Variants in FBXW8 observed in about 807,000 individuals in gnomAD.
The protein encoded by FBXW8 is F-box and WD repeat domain containing 8, also known as F-box/WD repeat-containing protein 8.
Under a neutral mutation model 65.3 loss-of-function variants are expected in FBXW8, and 57 were observed. The ratio of observed to expected loss-of-function variants is 0.87; its 90% CI spans 0.71 to 1.09. The LOEUF is 1.09. FBXW8 is among the 50% of genes least tolerant of loss of function. FBXW8 has a pLI of 0.00. For missense variants in FBXW8, 777 were observed against 814.8 expected (o/e 0.95, Z 0.57); for synonymous variants, 308 against 330.2 (o/e 0.93, Z 0.73).
intron 8 of FBXW8, among the ~76,000 whole-genome samples, chr12:117,012,443 A>G (rs756509612): frequency 3.2e-4 from 49 of 152,278 alleles, no homozygotes; most frequent in Non-Finnish European, 5.7e-4. Flanking sequence ...GCCAGCCATC[A>G]TATGTAAGAA....
intron 2 of FBXW8, among the ~76,000 whole-genome samples, chr12:116,937,038 T>C (rs953349015): frequency 6.3e-4 from 96 of 152,104 alleles, no homozygotes; most frequent in African/African-American, 2.1e-3. Context: ...GATGTGGTGC[T>C]TGGGCCAGGA....
chr12:116,960,630 C>G (rs1447835187), intron 4 of FBXW8, among the ~76,000 whole-genome samples: 2 of 152,158 alleles, frequency 1.3e-5, no homozygotes, highest in Non-Finnish European at 2.9e-5. Flanking sequence ...GGGTGTTTCA[C>G]TCATCATTAC....
At position 116,985,367 on chromosome 12, in the gene FBXW8, T is replaced by G. The variant is rs746248900; in HGVS notation, c.997T>G (p.Trp333Gly). The G allele has an allele frequency of 1.2e-6, 2 of 1,613,056 alleles. No homozygotes were observed. Among genetic ancestry groups the G allele is most frequent in the Non-Finnish European group, 1.7e-6 (2 of 1,179,776 alleles). Residue 333 changes from tryptophan to glycine, a missense_variant, in exon 6 of 11, where the codon TGG (tryptophan) becomes GGG (glycine). Coordinates refer to ENST00000652555, the MANE Select transcript of FBXW8 (RefSeq NM_153348.3). ...VMLSPNEEGY[W>G]QIAAEFEVPK... The stretch of plus-strand genomic sequence containing the variant: ...GTTATCCCCCAATGAGGAGGGGTAC[T>G]GGCAGATAGCTGCGGAATTTGAAGT...
In FBXW8 at chr12:117,029,450, ACC is replaced by A. The variant is rs1416127082; in HGVS notation, c.*1280_*1281del. 2.0e-5 allele frequency: 3 copies of A among 151,804 alleles called. No individual in the cohort carries two copies. Among genetic ancestry groups the A allele is most frequent in the South Asian group, 2.1e-4 (1 of 4,798 alleles). The allele number at this position is 151,804 out of a possible 1,614,324, so 9.4% of individuals were successfully genotyped here. On this transcript the variant is annotated 3_prime_UTR_variant, in exon 11 of 11. Transcript: ENST00000652555. ...TGACAGTAAAAGCACAGAATACAAA[ACC>A]CAGGGGATGGGGCTGGGAGGGGCTG...
At chr12:116,945,012 A>G (rs1329347562) in intron 2 of FBXW8, among the ~76,000 whole-genome samples, 1 of 152,216 alleles carries the variant, frequency 6.6e-6, no homozygotes, top group Non-Finnish European at 1.5e-5. Flanking sequence ...AAAAGTAAAG[A>G]GATTCCATTC....
intron 4 of FBXW8, among the ~76,000 whole-genome samples, chr12:116,957,277 G>C (rs1883709776): frequency 2.0e-5 from 3 of 152,158 alleles, no homozygotes; most frequent in Admixed American, 2.0e-4. Flanking sequence ...AACCCGGGAG[G>C]TAGAGGTTGC....
chr12:116,963,827 G>A (rs532866842), intron 4 of FBXW8, among the ~76,000 whole-genome samples: 1 of 152,290 alleles, frequency 6.6e-6, no homozygotes, highest in Admixed American at 6.5e-5. Flanking sequence ...GTTCTATCAT[G>A]AGGCCCTTAA....
chr12:116,958,986 C>T (rs1226282021), intron 4 of FBXW8, among the ~76,000 whole-genome samples: 2 of 152,186 alleles, frequency 1.3e-5, no homozygotes, highest in Non-Finnish European at 1.5e-5. Context: ...TAACAGGGCC[C>T]CTCTTGGCTG....
rs567220931 is a variant in FBXW8, at chr12:117,000,027, G to A, written c.1240-10296G>A. On this transcript the variant is annotated intron_variant, in intron 7 of 10. Transcript: ENST00000652555. Reference sequence around the variant, plus strand: ...GAGACGGAGTCTCGCTGTCTCCCAGGCTGGAGCGCAGTGGCGCGATCTCTG... The same window carrying A: ...GAGACGGAGTCTCGCTGTCTCCCAGACTGGAGCGCAGTGGCGCGATCTCTG... 2.7e-5 allele frequency among the ~76,000 whole-genome samples: 4 copies of A among 148,982 alleles called. No individual in the cohort carries two copies. The East Asian group carries it at 8.0e-4, about 30-fold the overall frequency.
In FBXW8 at chr12:116,932,637, G is replaced by A. The variant is rs58573414; in HGVS notation, c.423+4510G>A. Among the ~76,000 whole-genome samples, 823 of 152,306 alleles carry A rather than the reference G, an allele frequency of 5.4e-3. 11 individuals carry two copies. The highest frequency in any genetic ancestry group is 0.019 in the African/African-American group (794 of 41,568). Reference sequence around the variant, plus strand: ...TGCAACCTCTGCCTCCCAGGTTCAAGCTATTCTCCTGCCTCAGCCTCCCAA... The same window carrying A: ...TGCAACCTCTGCCTCCCAGGTTCAAACTATTCTCCTGCCTCAGCCTCCCAA... On this transcript the variant is annotated intron_variant, in intron 2 of 10. Coordinates refer to ENST00000652555, the MANE Select transcript of FBXW8 (RefSeq NM_153348.3).
intron 7 of FBXW8, among the ~76,000 whole-genome samples, chr12:116,990,610 A>G (rs964905352): frequency 2.0e-5 from 3 of 151,420 alleles, no homozygotes; most frequent in Non-Finnish European, 2.9e-5. Context: ...TAAATTTTTC[A>G]TACTTTTTAT....
chr12:116,928,116 A>T lies in FBXW8; in HGVS notation c.412A>T (p.Arg138Ter). The T allele has an allele frequency of 1.2e-6, 2 of 1,604,304 alleles. No homozygotes were observed. The highest frequency in any genetic ancestry group is 4.5e-5 in the East Asian group (2 of 44,830). The change falls in exon 2 of 11, where the codon AGA becomes TGA. Residue 138 changes from arginine (R) to a stop codon, truncating the protein, a stop_gained. Coordinates refer to ENST00000652555, the MANE Select transcript of FBXW8 (RefSeq NM_153348.3). LOFTEE classifies it high-confidence loss of function. Reference sequence around the variant, plus strand: ...GTATCTGGACAGGAAAGAACTAGGAAGATGTGCACAGGTAAGGTGTCACCA... The same window carrying T: ...GTATCTGGACAGGAAAGAACTAGGATGATGTGCACAGGTAAGGTGTCACCA... ...FQYLDRKELG[R>*]CAQVSKTWKV...
rs371138207 is a variant in FBXW8, at chr12:117,010,390, CGT to C, written c.1312_1313del (p.Val438GlnfsTer28). ...CTGGGTAACGTTCTCCGTGACTTCA[CGT>C]GTGTCAACCTCAGCGACAGCCCTCC... On this transcript the variant is annotated frameshift_variant, in exon 8 of 11. Coordinates refer to ENST00000652555, the MANE Select transcript of FBXW8 (RefSeq NM_153348.3). LOFTEE classifies it high-confidence loss of function. The C allele has an allele frequency of 4.1e-3, 6,688 of 1,614,244 alleles. 22 individuals are homozygous for C. Among genetic ancestry groups the C allele is most frequent in the Non-Finnish European group, 5.1e-3 (6,023 of 1,180,052 alleles).
At chr12:116,962,004 G>T (rs938569605) in intron 4 of FBXW8, among the ~76,000 whole-genome samples, 1 of 152,144 alleles carries the variant, frequency 6.6e-6, no homozygotes, top group Non-Finnish European at 1.5e-5. Flanking sequence ...CTTGGCACCT[G>T]AGCATCTATA....
chr12:116,928,079 C>A lies in FBXW8; in HGVS notation c.375C>A (p.Ile125=). The A allele has an allele frequency of 6.2e-7, 1 of 1,611,994 alleles. No homozygotes were observed. The highest frequency in any genetic ancestry group is 8.5e-7 in the Non-Finnish European group (1 of 1,179,204). The part of the protein sequence containing the change: ...FDIQLPYELA[I]NIFQYLDRKE... ...TCCAACTGCCTTACGAATTGGCAAT[C>A]AATATATTTCAGTATCTGGACAGGA... Residue 125 remains isoleucine (I), a synonymous_variant, in exon 2 of 11, where the codon ATC becomes ATA. Coordinates refer to ENST00000652555, the MANE Select transcript of FBXW8 (RefSeq NM_153348.3).
At position 117,010,450 on chromosome 12, in the gene FBXW8, G is replaced by A. The variant is rs765789388; in HGVS notation, c.1367G>A (p.Arg456Lys). The A allele has an allele frequency of 4.3e-6, 7 of 1,614,132 alleles. No individual in the cohort carries two copies. Among genetic ancestry groups the A allele is most frequent in the African/African-American group, 1.3e-5 (1 of 74,950 alleles). Residue 456 changes from arginine to lysine, a missense_variant and splice_region_variant, in exon 8 of 11, where the codon AGG becomes AAG. By Grantham distance (26) the Arg-to-Lys change is conservative. Transcript: ENST00000652555. ...NLMVSGNMDG[R>K]VRIHDLRSGN... ...ATGGTCAGTGGCAACATGGACGGGA[G>A]GTACGTGAGTTGGAAGGGCATTGCC...
chr12:116,953,500 G>A (rs534439534), intron 4 of FBXW8, among the ~76,000 whole-genome samples: 22 of 152,300 alleles, frequency 1.4e-4, no homozygotes, highest in African/African-American at 5.1e-4. Context: ...GGCTGGGCGC[G>A]GTGGCTCACG....
At position 116,936,690 on chromosome 12, in the gene FBXW8, C is replaced by T. The variant is rs75046864; in HGVS notation, c.423+8563C>T. ...ACCTTGCTTTTACACTTCTGGTCTC[C>T]GGAACTATAAGCGAATAAATCTGTA... On this transcript the variant is annotated intron_variant, in intron 2 of 10. Coordinates refer to ENST00000652555, the MANE Select transcript of FBXW8 (RefSeq NM_153348.3). This position sits in a 1 kb window ranked among gnomAD's most constrained non-coding sequence, Gnocchi z 4.6. Among the ~76,000 whole-genome samples, 2,296 of 152,146 alleles carry T rather than the reference C, an allele frequency of 0.015. 52 individuals are homozygous for T. Among genetic ancestry groups the T allele is most frequent in the African/African-American group, 0.046 (1,911 of 41,480 alleles).
rs138540315 is a variant in FBXW8, at chr12:117,013,397, A to T, written c.1367+2947A>T. Among the ~76,000 whole-genome samples, 23 of 152,298 alleles carry T rather than the reference A, an allele frequency of 1.5e-4. No individual in the cohort carries two copies. In the East Asian group the frequency reaches 3.7e-3, roughly 24 times the overall value. On this transcript the variant is annotated intron_variant, in intron 8 of 10. Coordinates refer to ENST00000652555, the MANE Select transcript of FBXW8 (RefSeq NM_153348.3). ...AGCGGAGAGAAAAGTGAGATTTTGCATAGGAGTTTTATCAGTGTAGATCAA... is the reference window on the plus strand; with the variant it reads ...AGCGGAGAGAAAAGTGAGATTTTGCTTAGGAGTTTTATCAGTGTAGATCAA...
Sources: gnomAD v4.1 joint callset for allele counts (sites outside exome capture counted in the v4.1 genomes callset) on GRCh38, gnomAD v4.1.1 for gene constraint, Gnocchi (gnomAD v3.1) non-coding constraint, MANE v1.5 for transcripts, NCBI Gene and HGNC (gene_info 2026-07-23, HGNC 2026-07-21) for gene names.